Variants in TMEM178B observed in about 807,000 individuals in gnomAD.
TMEM178B encodes the protein transmembrane protein 178B.
TMEM178B carries 5 observed loss-of-function variants against 31.0 expected under a neutral mutation model. The ratio of observed to expected loss-of-function variants is 0.16; its 90% CI spans 0.08 to 0.34. The LOEUF (loss-of-function observed/expected upper bound fraction) is 0.34. TMEM178B is among the 10% of genes least tolerant of loss of function. The pLI, the probability that TMEM178B is intolerant of heterozygous loss-of-function variation, is 1.00. For synonymous variants in TMEM178B, 164 were observed against 164.0 expected (o/e 1.00, Z 0.00); for missense variants, 275 against 400.3 (o/e 0.69, Z 2.67).
intron 1 of TMEM178B, among the ~76,000 whole-genome samples, chr7:141,200,541 C>T (rs2129186198): frequency 1.3e-5 from 2 of 152,258 alleles, no homozygotes; most frequent in East Asian, 3.9e-4. Flanking sequence ...TGAATATGGA[C>T]AAGCAGCCCA....
intron 1 of TMEM178B, among the ~76,000 whole-genome samples, chr7:141,086,650 T>C (rs924526700): frequency 1.3e-5 from 2 of 152,230 alleles, no homozygotes; most frequent in East Asian, 3.9e-4. Context: ...GGGAAAGAAA[T>C]GGAATTGGAA....
At chr7:141,377,457 G>A (rs1263405657) in intron 2 of TMEM178B, among the ~76,000 whole-genome samples, 1 of 151,594 alleles carries the variant, frequency 6.6e-6, no homozygotes, top group African/African-American at 2.4e-5. Context: ...TCTATTTTAA[G>A]AAATCACTTC....
chr7:141,233,986 C>A, intron 2 of TMEM178B, among the ~76,000 whole-genome samples: 1 of 152,190 alleles, frequency 6.6e-6, no homozygotes, highest in East Asian at 1.9e-4. Flanking sequence ...AGTTGGATAA[C>A]TTCTGTCTTC....
chr7:141,141,758 C>A (rs563197703), intron 1 of TMEM178B, among the ~76,000 whole-genome samples: 1 of 151,888 alleles, frequency 6.6e-6, no homozygotes, highest in South Asian at 2.1e-4. Flanking sequence ...AACATATGAG[C>A]CATGGTTTAA....
chr7:141,290,780 G>T (rs567757073), intron 2 of TMEM178B, among the ~76,000 whole-genome samples: 1 of 152,260 alleles, frequency 6.6e-6, no homozygotes, highest in South Asian at 2.1e-4. Context: ...CTGCAGATAT[G>T]ACTTATCTTC....
chr7:141,204,503 C>T (rs546676022), intron 1 of TMEM178B, among the ~76,000 whole-genome samples: 4 of 152,256 alleles, frequency 2.6e-5, no homozygotes, highest in Admixed American at 1.3e-4. Context: ...CAGCCGGAAT[C>T]GGAGGTGAAC....
chr7:141,103,731 A>T (rs1407537750), intron 1 of TMEM178B, among the ~76,000 whole-genome samples: 1 of 152,214 alleles, frequency 6.6e-6, no homozygotes, highest in Non-Finnish European at 1.5e-5. Flanking sequence ...CAATAATGAG[A>T]TGTGGTTTTT....
At chr7:141,249,472 G>A (rs1482219683) in intron 2 of TMEM178B, among the ~76,000 whole-genome samples, 1 of 152,222 alleles carries the variant, frequency 6.6e-6, no homozygotes, top group Non-Finnish European at 1.5e-5. Context: ...CTGGTAGAGT[G>A]GGACAGTGCT....
At chr7:141,222,383 C>T (rs1797271212) in intron 2 of TMEM178B, among the ~76,000 whole-genome samples, 1 of 152,202 alleles carries the variant, frequency 6.6e-6, no homozygotes, top group Non-Finnish European at 1.5e-5. Flanking sequence ...TTGAGTTCCA[C>T]CTCTGCCACT....
chr7:141,206,314 G>T (rs948221661), intron 1 of TMEM178B, among the ~76,000 whole-genome samples: 64 of 152,188 alleles, frequency 4.2e-4, no homozygotes, highest in Non-Finnish European at 1.8e-4. Context: ...TGGACTAAGT[G>T]GAAGCTAGAG....
Position 141,253,951 on chromosome 7 carries a change from G to A in TMEM178B, c.496+41247G>A, listed in dbSNP as rs181206740. Reference sequence around the variant, plus strand: ...ACAAAACCTGCATTTGTATCCCAGGGCAAAGCTATACATCTTTTGGCAAAG... The same window carrying A: ...ACAAAACCTGCATTTGTATCCCAGGACAAAGCTATACATCTTTTGGCAAAG... On this transcript the variant is annotated intron_variant, in intron 2 of 3. Coordinates refer to ENST00000565468, the MANE Select transcript of TMEM178B (RefSeq NM_001195278.2). 6.6e-3 allele frequency among the ~76,000 whole-genome samples: 1,004 copies of A among 152,270 alleles called. 5 individuals carry two copies. The highest frequency in any genetic ancestry group is 0.02 in the Middle Eastern group (6 of 294).
intron 2 of TMEM178B, among the ~76,000 whole-genome samples, chr7:141,314,442 C>T (rs866490286): frequency 5.3e-5 from 8 of 152,192 alleles, no homozygotes; most frequent in Non-Finnish European, 1.0e-4. Flanking sequence ...CAGTCACTGC[C>T]ATGTTTGTGG....
chr7:141,462,842 C>T (rs1032220891), intron 3 of TMEM178B, among the ~76,000 whole-genome samples: 1 of 151,954 alleles, frequency 6.6e-6, no homozygotes, highest in Non-Finnish European at 1.5e-5. Flanking sequence ...CTATCCTCCC[C>T]TCTTCCAGCC....
At chr7:141,433,505 A>G (rs1801476489) in intron 2 of TMEM178B, among the ~76,000 whole-genome samples, 1 of 152,136 alleles carries the variant, frequency 6.6e-6, no homozygotes, top group East Asian at 1.9e-4. Flanking sequence ...CCCATCCTTG[A>G]AGACTTCCGT....
At chr7:141,086,419 G>A (rs924180815) in intron 1 of TMEM178B, among the ~76,000 whole-genome samples, 2 of 152,150 alleles carry the variant, frequency 1.3e-5, no homozygotes, top group African/African-American at 4.8e-5. Flanking sequence ...ATTATTACAT[G>A]AAGCATATGT....
intron 1 of TMEM178B, among the ~76,000 whole-genome samples, chr7:141,084,233 G>T (rs184199297): frequency 6.6e-6 from 1 of 152,310 alleles, no homozygotes; most frequent in East Asian, 1.9e-4. Flanking sequence ...TTGAGCCTTA[G>T]ATTTTTTTTG....
the TMEM178B span, among the ~76,000 whole-genome samples, chr7:141,507,336 C>T: frequency 2.6e-5 from 4 of 152,308 alleles, no homozygotes; most frequent in Non-Finnish European, 2.9e-5. Flanking sequence ...GGCATCCAGG[C>T]GTTTCCATAC....
chr7:141,173,035 G>A (rs897991895), intron 1 of TMEM178B: 5 of 152,198 alleles, frequency 3.3e-5, no homozygotes, highest in African/African-American at 9.7e-5. Context: ...GGGGATCCAG[G>A]AATCCATCAC....
At chr7:141,419,606 A>C (rs1253516674) in intron 2 of TMEM178B, among the ~76,000 whole-genome samples, 1 of 152,132 alleles carries the variant, frequency 6.6e-6, no homozygotes, top group Non-Finnish European at 1.5e-5. Flanking sequence ...GCTTCTCCCC[A>C]GCTTAGACTC....
Sources: allele counts gnomAD v4.1 joint callset (sites outside exome capture counted in the v4.1 genomes callset), GRCh38; gene constraint gnomAD v4.1.1; transcripts MANE v1.5; gene names NCBI Gene and HGNC (gene_info 2026-07-23, HGNC 2026-07-21).